NECAB1: variants seen among roughly 807,000 people sequenced by gnomAD.
NECAB1 encodes the protein N-terminal EF-hand calcium binding protein 1.
In NECAB1, 29 loss-of-function variants were observed where a neutral mutation model predicts 57.5. That is an observed-to-expected ratio of 0.50 (90% CI 0.38 to 0.69). NECAB1 has a LOEUF of 0.69. Ranked by LOEUF, NECAB1 falls within the 30% of genes least tolerant of loss-of-function variation. The probability of loss-of-function intolerance (pLI) is 0.00; values close to 1 mark genes in which losing one functional copy is unlikely to be tolerated. For missense variants in NECAB1, 372 were observed against 413.8 expected (o/e 0.90, Z 0.88); for synonymous variants, 142 against 147.7 (o/e 0.96, Z 0.28).
At chr8:90,842,604 C>T (rs1486676778) in intron 3 of NECAB1, among the ~76,000 whole-genome samples, 2 of 152,218 alleles carry the variant, frequency 1.3e-5, no homozygotes, top group African/African-American at 4.8e-5. Context: ...CAAATGAATG[C>T]TGGGCTGTCT....
At chr8:90,852,878 G>A (rs1385616363) in intron 3 of NECAB1, among the ~76,000 whole-genome samples, 1 of 152,160 alleles carries the variant, frequency 6.6e-6, no homozygotes. Flanking sequence ...CCTGAACACT[G>A]GACAAGAGCT....
intron 1 of NECAB1, among the ~76,000 whole-genome samples, chr8:90,800,656 T>G (rs1167822855): frequency 1.3e-5 from 2 of 152,208 alleles, no homozygotes; most frequent in Non-Finnish European, 2.9e-5. Flanking sequence ...CAACCTACAA[T>G]ATATCCAATA....
chr8:90,854,315 G>A (rs1053694607), intron 3 of NECAB1, among the ~76,000 whole-genome samples: 3 of 152,044 alleles, frequency 2.0e-5, no homozygotes, highest in African/African-American at 7.2e-5. Flanking sequence ...GAATGAAAAC[G>A]CTATGTCTGT....
chr8:90,857,165 G>A (rs1279582039), intron 3 of NECAB1, among the ~76,000 whole-genome samples: 1 of 151,854 alleles, frequency 6.6e-6, no homozygotes, highest in African/African-American at 2.4e-5. Context: ...AAGAAAGGAA[G>A]GTATACCTGG....
At chr8:90,792,824 C>G (rs1264916557) in intron 1 of NECAB1, among the ~76,000 whole-genome samples, 1 of 152,124 alleles carries the variant, frequency 6.6e-6, no homozygotes, top group African/African-American at 2.4e-5. Flanking sequence ...TCTGTTTTCT[C>G]TATTTTTCCG....
At chr8:90,910,683 G>C (rs534077497) in intron 5 of NECAB1, among the ~76,000 whole-genome samples, 3 of 152,124 alleles carry the variant, frequency 2.0e-5, no homozygotes, top group African/African-American at 4.8e-5. Context: ...GTTCACAGGG[G>C]CTACACAGTT....
At chr8:90,897,567 T>C (rs1339016084) in intron 5 of NECAB1, among the ~76,000 whole-genome samples, 1 of 152,218 alleles carries the variant, frequency 6.6e-6, no homozygotes, top group Non-Finnish European at 1.5e-5. Flanking sequence ...TAATTATTTT[T>C]TCAGACTATC....
chr8:90,866,690 G>C (rs1455029959), intron 3 of NECAB1, among the ~76,000 whole-genome samples: 2 of 152,190 alleles, frequency 1.3e-5, no homozygotes, highest in Non-Finnish European at 1.5e-5. Context: ...AAGTGATACT[G>C]GTCATTAGAG....
At chr8:90,863,937 C>T (rs1292191317) in intron 3 of NECAB1, among the ~76,000 whole-genome samples, 1 of 151,980 alleles carries the variant, frequency 6.6e-6, no homozygotes, top group Non-Finnish European at 1.5e-5. Flanking sequence ...TATTAGAACC[C>T]ATTTGAACTG....
intron 3 of NECAB1, among the ~76,000 whole-genome samples, chr8:90,844,452 C>CCTGATG: frequency 6.6e-6 from 1 of 152,156 alleles, no homozygotes; most frequent in Middle Eastern, 3.2e-3. Context: ...GTCCTTCTGG[C>CCTGATG]CAGACATATC....
chr8:90,815,596 A>G lies in NECAB1; in HGVS notation c.125-9121A>G, dbSNP rs144352344. ...CCTGACAACCACTGATCTTTTTGCT[A>G]TCTTTATAAATTTGCCCTTTCCAAA... is the stretch of plus-strand genomic sequence containing the variant. On this transcript the variant is annotated intron_variant, in intron 2 of 12. Transcript: ENST00000417640. Among the ~76,000 whole-genome samples the G allele has an allele frequency of 6.6e-5, 10 of 152,046 alleles. No homozygotes were observed. In the East Asian group the frequency reaches 1.5e-3, roughly 24 times the overall value.
intron 2 of NECAB1, among the ~76,000 whole-genome samples, chr8:90,802,792 A>C (rs1027983672): frequency 6.6e-6 from 1 of 152,104 alleles, no homozygotes; most frequent in African/African-American, 2.4e-5. Context: ...ATTTTCTCAG[A>C]CTGTGTTGTG....
chr8:90,879,158 T>C (rs1343556066), intron 4 of NECAB1, among the ~76,000 whole-genome samples: 17 of 145,116 alleles, frequency 1.2e-4, no homozygotes, highest in Non-Finnish European at 7.5e-5. Flanking sequence ...GAGAGAGTGT[T>C]GCTTTTTTAG....
intron 7 of NECAB1, among the ~76,000 whole-genome samples, chr8:90,927,610 T>TACACACACACACAC (rs71560287): frequency 6.9e-5 from 10 of 143,948 alleles, no homozygotes; most frequent in African/African-American, 2.3e-4. Context: ...TGGTGCTAGA[T>TACACACACACACAC]ACACACACAC....
chr8:90,913,013 C>A (rs1257398860), intron 5 of NECAB1, among the ~76,000 whole-genome samples: 4 of 152,102 alleles, frequency 2.6e-5, no homozygotes, highest in African/African-American at 9.7e-5. Context: ...ACCTCATAAA[C>A]AAGAATACAC....
At position 90,833,459 on chromosome 8, in the gene NECAB1, G is replaced by T. The variant is rs1812323235; in HGVS notation, c.233+8634G>T. On this transcript the variant is annotated intron_variant, in intron 3 of 12. Transcript: ENST00000417640. ...CTGGGATACATGTGCAGAATGTGCA[G>T]GTTTGTTACGTAGGTATACATGTGC... 3.3e-5 allele frequency among the ~76,000 whole-genome samples: 5 copies of T among 151,742 alleles called. No individual in the cohort carries two copies. The South Asian group carries it at 1.0e-3, about 32-fold the overall frequency.
At chr8:90,886,016 TC>T (rs1312843841) in intron 5 of NECAB1, among the ~76,000 whole-genome samples, 1 of 152,138 alleles carries the variant, frequency 6.6e-6, no homozygotes, top group African/African-American at 2.4e-5. Context: ...AATCCTGAAA[TC>T]AAAAGATGAA....
intron 1 of NECAB1, among the ~76,000 whole-genome samples, chr8:90,793,293 A>G (rs1191890820): frequency 1.3e-5 from 2 of 152,196 alleles, no homozygotes; most frequent in African/African-American, 4.8e-5. Flanking sequence ...GGCAAATGAT[A>G]GAAGTGAGGT....
chr8:90,913,117 T>A (rs1440718006), intron 5 of NECAB1, among the ~76,000 whole-genome samples: 1 of 152,214 alleles, frequency 6.6e-6, no homozygotes, highest in East Asian at 1.9e-4. Context: ...ATCAACCTGA[T>A]GGGCAGAGCT....
Sources: allele counts gnomAD v4.1 joint callset (sites outside exome capture counted in the v4.1 genomes callset), GRCh38; gene constraint gnomAD v4.1.1; transcripts MANE v1.5; gene names NCBI Gene and HGNC (gene_info 2026-07-23, HGNC 2026-07-21).